The following RHCE variants were observed in gnomAD, a reference collection of about 807,000 sequenced individuals.
RHCE encodes the protein blood group Rh(CE) polypeptide.
Under a neutral mutation model 43.8 loss-of-function variants are expected in RHCE, and 22 were observed. The ratio of observed to expected loss-of-function variants is 0.50; its 90% confidence interval spans 0.36 to 0.72. RHCE has a LOEUF of 0.72. RHCE is among the 30% of genes least tolerant of loss of function. The pLI is 0.00. For missense variants in RHCE, 385 were observed against 525.4 expected (o/e 0.73, Z 2.61); for synonymous variants, 156 against 210.7 (o/e 0.74, Z 2.25).
upstream of RHCE, among the ~76,000 whole-genome samples, chr1:25,423,499 T>G (rs1449976797): frequency 2.0e-5 from 3 of 152,120 alleles, no homozygotes. Flanking sequence ...CCTGCCCCAG[T>G]AAGGAAGCAG....
chr1:25,429,858 C>A (rs993691523), intron 1 of RHCE: 3 of 152,226 alleles, frequency 2.0e-5, no homozygotes, highest in South Asian at 4.1e-4. Context: ...AAACACCATG[C>A]GGACTTTTCT....
chr1:25,423,973 C>T (rs185173524), upstream of RHCE, among the ~76,000 whole-genome samples: 18 of 152,290 alleles, frequency 1.2e-4, no homozygotes, highest in East Asian at 1.9e-4. Context: ...TTTGACTTAA[C>T]GCTTTTCAAC....
At chr1:25,419,995 C>T (rs1166835480) in intron 1 of RHCE, among the ~76,000 whole-genome samples, 2 of 145,666 alleles carry the variant, frequency 1.4e-5, no homozygotes, top group Non-Finnish European at 3.0e-5. Context: ...CTGGGAAACA[C>T]AGGGAGACCC....
At chr1:25,388,171 T>C in intron 6 of RHCE, among the ~76,000 whole-genome samples, 1 of 143,878 alleles carries the variant, frequency 7.0e-6, no homozygotes, top group Non-Finnish European at 1.5e-5. Context: ...AATCCAGCCT[T>C]CGAAAATCTA....
At chr1:25,417,352 T>C (rs1374449622) in intron 1 of RHCE, among the ~76,000 whole-genome samples, 2 of 152,108 alleles carry the variant, frequency 1.3e-5, no homozygotes, top group African/African-American at 4.8e-5. Context: ...TAAGTTTAAC[T>C]CAACAAACTT....
At chr1:25,385,219 T>C (rs1200274314) in intron 7 of RHCE, among the ~76,000 whole-genome samples, 1 of 152,148 alleles carries the variant, frequency 6.6e-6, no homozygotes, top group Non-Finnish European at 1.5e-5. Flanking sequence ...CAGGGATGGG[T>C]TGTGCTTAGC....
chr1:25,425,951 G>A (rs2042802593), intron 2 of RHCE, among the ~76,000 whole-genome samples: 1 of 152,234 alleles, frequency 6.6e-6, no homozygotes, highest in East Asian at 1.9e-4. Context: ...GAGCTTTGGA[G>A]TTAGGCAACC....
chr1:25,421,159 C>G (rs2042754957), upstream of RHCE, among the ~76,000 whole-genome samples: 1 of 152,180 alleles, frequency 6.6e-6, no homozygotes, highest in African/African-American at 2.4e-5. Context: ...AGGAACGGAT[C>G]AATACTCCTA....
At chr1:25,386,323 C>T (rs913455900) in intron 6 of RHCE, among the ~76,000 whole-genome samples, 1 of 152,232 alleles carries the variant, frequency 6.6e-6, no homozygotes, top group African/African-American at 2.4e-5. Context: ...CCAAGACCCA[C>T]TGGTCTAGCC....
chr1:25,402,548 C>G, intron 3 of RHCE, 48 bp downstream of exon 3: 2 of 1,613,964 alleles, frequency 1.2e-6, no homozygotes, highest in Non-Finnish European at 1.7e-6. Flanking sequence ...CCAAATGGAG[C>G]TTTTGGCCCT....
intron 1 of RHCE, among the ~76,000 whole-genome samples, chr1:25,413,551 G>T (rs1647168435): frequency 1.3e-5 from 2 of 152,332 alleles, no homozygotes; most frequent in South Asian, 4.1e-4. Context: ...TCTACGGAAA[G>T]CCTTCAGGAA....
At chr1:25,368,688 GACTC>G (rs1645506177) in intron 9 of RHCE, among the ~76,000 whole-genome samples, 1 of 149,582 alleles carries the variant, frequency 6.7e-6, no homozygotes, top group African/African-American at 2.5e-5. Flanking sequence ...GCTAATAAAG[GACTC>G]CTGAATTAGG....
At position 25,401,725 on chromosome 1, in the gene RHCE, C is replaced by T. The variant is rs561972129; in HGVS notation, c.486+871G>A. ...GCTCTGAGAATTAATTACTTTTATA[C>T]AACCATAATTACATCATGAATAGCA... is the stretch of plus-strand genomic sequence containing the variant. On this transcript the variant is annotated intron_variant, in intron 3 of 9. Coordinates refer to ENST00000294413, the MANE Select transcript of RHCE (RefSeq NM_020485.8). Among the ~76,000 whole-genome samples, 399 of 152,318 alleles carry T rather than the reference C, an allele frequency of 2.6e-3. 2 individuals carry two copies. Among genetic ancestry groups the T allele is most frequent in the African/African-American group, 9.4e-3 (389 of 41,564 alleles).
In RHCE at chr1:25,387,585, T is replaced by C. The variant is rs376056702; in HGVS notation, c.939+1391A>G. ...GATGGTAACTTGCTATGTGTTCTTT[T>C]TTCTGCCCTTCCTCCTTTCATTTCA... On this transcript the variant is annotated intron_variant, in intron 6 of 9. Coordinates refer to ENST00000294413, the MANE Select transcript of RHCE (RefSeq NM_020485.8). Among the ~76,000 whole-genome samples, 416 of 152,322 alleles carry C rather than the reference T, an allele frequency of 2.7e-3. 1 individual carries two copies. Among genetic ancestry groups the C allele is most frequent in the African/African-American group, 9.4e-3 (392 of 41,572 alleles).
intron 7 of RHCE, among the ~76,000 whole-genome samples, chr1:25,376,159 T>C (rs1426629197): frequency 2.6e-5 from 4 of 152,076 alleles, no homozygotes; most frequent in South Asian, 2.1e-4. Flanking sequence ...GTGGGTGGGG[T>C]AGAGCTTGGC....
intron 6 of RHCE, among the ~76,000 whole-genome samples, chr1:25,386,210 C>T (rs1426253767): frequency 6.6e-6 from 1 of 152,206 alleles, no homozygotes; most frequent in Non-Finnish European, 1.5e-5. Flanking sequence ...GGATGTTAAG[C>T]ATCATTCCTG....
At chr1:25,406,221 G>A (rs1237642596) in intron 2 of RHCE, among the ~76,000 whole-genome samples, 1 of 99,796 alleles carries the variant, frequency 1.0e-5, no homozygotes, top group African/African-American at 2.9e-5. Context: ...TGGATGCAGT[G>A]TGTGTATGCG....
chr1:25,397,574 T>C (rs1172071629), intron 3 of RHCE, among the ~76,000 whole-genome samples: 7 of 152,006 alleles, frequency 4.6e-5, no homozygotes, highest in Admixed American at 1.3e-4. Context: ...CCCAGCTCCC[T>C]TGAAGAAGAT....
At chr1:25,385,454 G>C (rs946616439) in intron 7 of RHCE, 1 of 557,760 alleles carries the variant, frequency 1.8e-6, no homozygotes, top group South Asian at 1.7e-5. Context: ...GTGTTTGTGG[G>C]GTCACAGAAG....
Sources: gnomAD v4.1 joint callset for allele counts (sites outside exome capture counted in the v4.1 genomes callset) on GRCh38, gnomAD v4.1.1 for gene constraint, MANE v1.5 for transcripts, NCBI Gene and HGNC (gene_info 2026-07-23, HGNC 2026-07-21) for gene names.